The following SLC25A45 variants were observed in gnomAD, a reference collection of about 807,000 sequenced individuals.
SLC25A45 encodes the protein methylated amino-acid transporter SLC25A45.
Under a neutral mutation model 23.0 loss-of-function variants are expected in SLC25A45, and 22 were observed. The ratio of observed to expected loss-of-function variants is 0.95; its 90% CI spans 0.68 to 1.36. The LOEUF (loss-of-function observed/expected upper bound fraction) is 1.36. Among genes scored for constraint, SLC25A45 ranks in the 40% most tolerant of loss-of-function variants. The probability of loss-of-function intolerance (pLI) is 0.00; values close to 1 mark genes in which losing one functional copy is unlikely to be tolerated. For synonymous variants in SLC25A45, 136 were observed against 155.0 expected (o/e 0.88, Z 0.91); for missense variants, 355 against 383.5 (o/e 0.93, Z 0.62).
intron 5 of SLC25A45, 26 bp downstream of exon 5, chr11:65,379,350 T>C (rs1471536741): frequency 1.2e-6 from 2 of 1,603,344 alleles, no homozygotes; most frequent in Admixed American, 1.7e-5. Flanking sequence ...ATGACACCTG[T>C]GTGTGCCCAC....
upstream of SLC25A45, chr11:65,383,311 C>G (rs940382762): frequency 3.3e-5 from 5 of 152,476 alleles, no homozygotes; most frequent in African/African-American, 4.8e-5. Flanking sequence ...GAAACAGGAC[C>G]TCCTACCTCC....
intron 2 of SLC25A45, 200 bp from the exon 3 acceptor site, chr11:65,380,375 G>A: frequency 2.2e-6 from 2 of 927,026 alleles, no homozygotes; most frequent in Non-Finnish European, 3.2e-6. Flanking sequence ...GGCCAGGAAG[G>A]CACTGGGACA....
chr11:65,383,597 A>C (rs753941406), upstream of SLC25A45: 2 of 152,132 alleles, frequency 1.3e-5, no homozygotes, highest in Non-Finnish European at 2.9e-5. Context: ...ATCTCTACCA[A>C]AAATACAAAA....
rs1418258900 is a variant in SLC25A45, at chr11:65,379,380, A to G, written c.335T>C (p.Leu112Pro). The G allele has an allele frequency of 2.5e-6, 4 of 1,608,742 alleles. No homozygotes were observed. The highest frequency in any genetic ancestry group is 3.4e-6 in the Non-Finnish European group (4 of 1,179,864). The change falls in exon 5 of 7, where the codon CTG becomes CCG. Residue 112 changes from leucine to proline, a missense_variant. Coordinates refer to ENST00000398802, the MANE Select transcript of SLC25A45 (RefSeq NM_182556.4). ...GCCCACTCACTGCCCCCTCACCTGC[A>G]GGAACCCCCCGGTGCAGCCCGCTAG... ...IFLAGCTGGF[L>P]QAYCLAPFDL...
upstream of SLC25A45, chr11:65,382,719 A>G (rs923977953): frequency 3.3e-5 from 5 of 152,546 alleles, no homozygotes; most frequent in Non-Finnish European, 7.3e-5. The surrounding 1 kb of genome is among the most constrained non-coding windows in gnomAD (Gnocchi z 4.4). Flanking sequence ...ACGTCCTGCC[A>G]CCCACCCCCT....
intron 2 of SLC25A45, chr11:65,381,194 G>A (rs1444468897): frequency 6.6e-6 from 1 of 152,414 alleles, no homozygotes; most frequent in African/African-American, 2.4e-5. Context: ...GCAGTGGCAT[G>A]ATCATGGCTC....
At position 65,376,261 on chromosome 11, in the gene SLC25A45, G is replaced by T; in HGVS notation, c.*146C>A. ...TCCGGCTCCCACAGGTGTCTGCCCA[G>T]CCCAGATCTGCGCGGGTGGGAGGCA... On this transcript the variant is annotated 3_prime_UTR_variant, in exon 7 of 7. Transcript: ENST00000398802. 1.9e-6 allele frequency: 2 copies of T among 1,033,168 alleles called. No individual in the cohort carries two copies. The highest frequency in any genetic ancestry group is 5.2e-5 in the East Asian group (2 of 38,214). 64.0% of individuals were successfully genotyped at this position (1,033,168 alleles called of 1,614,324 possible).
chr11:65,378,437 G>C (rs936316316), intron 5 of SLC25A45: 2 of 152,208 alleles, frequency 1.3e-5, no homozygotes, highest in Non-Finnish European at 2.9e-5. Context: ...AAAGAGCTGG[G>C]GGGGCAGGGT....
chr11:65,380,041 A>C (rs1481541292), intron 3 of SLC25A45, 91 bp downstream of exon 3: 1 of 1,584,844 alleles, frequency 6.3e-7, no homozygotes, highest in African/African-American at 1.3e-5. Context: ...AGAGGCAGGA[A>C]AGGCAAGATT....
At chr11:65,378,540 AGGT>A (rs1855341107) in intron 5 of SLC25A45, 1 of 152,124 alleles carries the variant, frequency 6.6e-6, no homozygotes, top group Admixed American at 6.5e-5. Flanking sequence ...GGAAACCTAT[AGGT>A]GGCACCTCGC....
chr11:65,380,411 T>G, intron 2 of SLC25A45: 1 of 935,986 alleles, frequency 1.1e-6, no homozygotes, highest in South Asian at 1.6e-5. Context: ...AGGCCCCACC[T>G]GAGGATGCAC....
rs1283783596 is a variant in SLC25A45, at chr11:65,382,329, G to C, written c.-19+157C>G. ...AGCCCCTGCCTGCCCAGCCAGCCCA[G>C]CTCCACTCCCATTCATCTCCACCAA... is the stretch of plus-strand genomic sequence containing the variant. On this transcript the variant is annotated intron_variant, in intron 1 of 6. Transcript: ENST00000398802. The surrounding 1 kb of genome is among the most constrained non-coding windows in gnomAD (Gnocchi z 4.4). The C allele has an allele frequency of 3.5e-6, 1 of 286,512 alleles. No individual in the cohort carries two copies. Among genetic ancestry groups the C allele is most frequent in the Non-Finnish European group, 6.9e-6 (1 of 144,648 alleles). The allele number at this position is 286,512 out of a possible 1,614,324, so 17.7% of individuals were successfully genotyped here. A position where few individuals can be genotyped will look rare whatever the true frequency, so the allele number is the denominator to read the frequency against.
At chr11:65,379,188 T>C in intron 5 of SLC25A45, 188 bp downstream of exon 5, 1 of 641,468 alleles carries the variant, frequency 1.6e-6, no homozygotes, top group Non-Finnish European at 2.6e-6. Context: ...CTCTGCCTTT[T>C]GCCCCCTCTG....
In SLC25A45 at chr11:65,376,162, T is replaced by C; in HGVS notation, c.*245A>G. 1.9e-6 allele frequency: 1 copy of C among 538,288 alleles called. No homozygotes were observed. Among genetic ancestry groups the C allele is most frequent in the Non-Finnish European group, 3.3e-6 (1 of 299,086 alleles). 33.3% of individuals were successfully genotyped at this position (538,288 alleles called of 1,614,324 possible). A position where few individuals can be genotyped will look rare whatever the true frequency, so the allele number is the denominator to read the frequency against. On this transcript the variant is annotated 3_prime_UTR_variant, in exon 7 of 7. Transcript: ENST00000398802. ...TTGCCAGCTCACTTGTGCCTCATGC[T>C]CCCTGTTTCACAGATGTGGGAGGCA... is the stretch of plus-strand genomic sequence containing the variant.
In SLC25A45 at chr11:65,376,851, A is replaced by G; in HGVS notation, c.565T>C (p.Cys189Arg). 1 of 1,614,220 alleles carries G rather than the reference A, an allele frequency of 6.2e-7. No individual in the cohort carries two copies. Among genetic ancestry groups the G allele is most frequent in the Non-Finnish European group, 8.5e-7 (1 of 1,180,038 alleles). ...GIYFITYEGL[C>R]RQYTPEGQNP... The stretch of plus-strand genomic sequence containing the variant: ...TGGCCTTCTGGTGTGTACTGGCGAC[A>G]GAGCCCTTCATAGGTGATGAAGTAG... The change falls in exon 6 of 7, where the codon TGT becomes CGT. Residue 189 changes from cysteine to arginine, a missense_variant. Transcript: ENST00000398802.
chr11:65,379,626 CT>C (rs1329732591), intron 4 of SLC25A45, 65 bp from the exon 5 acceptor site: 26 of 1,494,702 alleles, frequency 1.7e-5, no homozygotes, highest in Non-Finnish European at 2.3e-5. Flanking sequence ...CTCTCCACCC[CT>C]GGCAAGGCAG....
At position 65,377,021 on chromosome 11, in the gene SLC25A45, T is replaced by C. The variant is rs1855243778; in HGVS notation, c.395A>G (p.Glu132Gly). 6.2e-7 allele frequency: 1 copy of C among 1,613,838 alleles called. No individual in the cohort carries two copies. Among genetic ancestry groups the C allele is most frequent in the Non-Finnish European group, 8.5e-7 (1 of 1,179,906 alleles). The change falls in exon 6 of 7, where the codon GAG becomes GGG. Residue 132 changes from glutamate to glycine, a missense_variant. Glu to Gly is a moderately conservative substitution (Grantham distance 98). Coordinates refer to ENST00000398802, the MANE Select transcript of SLC25A45 (RefSeq NM_182556.4). ...LIKVRLQNQT[E>G]PRAQPGSPPP... ...GGGGCTCCCTGGCTGGGCCCTTGGCTCTGTCTGGTTTTGTAGCCGGACTTT... is the reference window on the plus strand; with the variant it reads ...GGGGCTCCCTGGCTGGGCCCTTGGCCCTGTCTGGTTTTGTAGCCGGACTTT...
rs894977017 is a variant in SLC25A45 at position 65,382,562 on chromosome 11, C to T, written c.-95G>A. On this transcript the variant is annotated 5_prime_UTR_variant, in exon 1 of 7. Transcript: ENST00000398802. This position sits in a 1 kb window ranked among gnomAD's most constrained non-coding sequence, Gnocchi z 4.4. Reference sequence around the variant, plus strand: ...TGTGAGTCAGAAACACAGCCTTCCTCGGCTTCCTCCTTCCCAGGGGAAAGA... The same window carrying T: ...TGTGAGTCAGAAACACAGCCTTCCTTGGCTTCCTCCTTCCCAGGGGAAAGA... The T allele has an allele frequency of 1.3e-5, 2 of 154,774 alleles. No homozygotes were observed. Among genetic ancestry groups the T allele is most frequent in the East Asian group, 1.9e-4 (1 of 5,278 alleles). The allele number at this position is 154,774 out of a possible 1,614,324, so 9.6% of individuals were successfully genotyped here.
chr11:65,380,807 A>G (rs191550470), intron 2 of SLC25A45: 26 of 335,560 alleles, frequency 7.7e-5, no homozygotes, highest in African/African-American at 4.8e-4. Context: ...AATGCCACCC[A>G]GAAGCTGGGC....
Sources: gnomAD v4.1 joint callset for allele counts on GRCh38, gnomAD v4.1.1 for gene constraint, Gnocchi (gnomAD v3.1) non-coding constraint, MANE v1.5 for transcripts, NCBI Gene and HGNC (gene_info 2026-07-23, HGNC 2026-07-21) for gene names.